The following TANC1 variants were observed in gnomAD, a reference collection of about 807,000 sequenced individuals.
TANC1 encodes protein TANC1.
A neutral mutation model predicts 149.7 loss-of-function variants in TANC1; 77 were observed. That is an observed-to-expected ratio of 0.51 (90% CI 0.43 to 0.62). The LOEUF (loss-of-function observed/expected upper bound fraction) is 0.62. Among genes scored for constraint, TANC1 ranks in the 20% least tolerant of loss-of-function variants. The pLI is 0.00. For missense variants in TANC1, 1,985 were observed against 2,321.8 expected (o/e 0.85, Z 2.98); for synonymous variants, 854 against 925.0 (o/e 0.92, Z 1.39).
At chr2:159,190,552 T>TTTA (rs2057365082) in intron 16 of TANC1, among the ~76,000 whole-genome samples, 1 of 152,126 alleles carries the variant, frequency 6.6e-6, no homozygotes, top group South Asian at 2.1e-4. Context: ...TTTATTTTTA[T>TTTA]TTATTATTAT....
chr2:159,191,175 C>T (rs1378564787), intron 16 of TANC1, among the ~76,000 whole-genome samples: 1 of 152,168 alleles, frequency 6.6e-6, no homozygotes, highest in African/African-American at 2.4e-5. Flanking sequence ...TGGCTGGCTC[C>T]TTGTCACTTG....
rs961226655 is a variant in TANC1 at position 159,168,199 on chromosome 2, A to G, written c.947-1051A>G. On this transcript the variant is annotated intron_variant, in intron 8 of 26. Coordinates refer to ENST00000263635, the MANE Select transcript of TANC1 (RefSeq NM_033394.3). ...GGGTTTTTAAAAGGCAAAAACGTGT[A>G]CTATGTACTTGCTTCTAAGATTTCT... Among the ~76,000 whole-genome samples the G allele has an allele frequency of 3.3e-5, 5 of 152,260 alleles. No homozygotes were observed. In the South Asian group the frequency reaches 8.3e-4, roughly 25 times the overall value.
intron 3 of TANC1, among the ~76,000 whole-genome samples, chr2:159,070,308 A>C (rs2043035225): frequency 6.6e-6 from 1 of 151,174 alleles, no homozygotes; most frequent in Non-Finnish European, 1.5e-5. Context: ...CAAAATTGGG[A>C]GGAAGGTTCA....
intron 5 of TANC1, among the ~76,000 whole-genome samples, chr2:159,136,932 A>G (rs936950226): frequency 2.0e-5 from 3 of 152,226 alleles, no homozygotes; most frequent in Non-Finnish European, 4.4e-5. Context: ...ATTTTAAAAA[A>G]TCAATTCAAG....
chr2:159,023,639 G>A (rs1275861458), intron 2 of TANC1, among the ~76,000 whole-genome samples: 1 of 152,048 alleles, frequency 6.6e-6, no homozygotes, highest in African/African-American at 2.4e-5. Context: ...ATGGCCCCTG[G>A]CCACCCATGG....
Position 159,001,398 on chromosome 2 carries a change from C to T in TANC1, c.-16+209C>T, listed in dbSNP as rs2036607557. 2.0e-5 allele frequency among the ~76,000 whole-genome samples: 3 copies of T among 152,256 alleles called. No individual in the cohort carries two copies. The highest frequency in any genetic ancestry group is 2.0e-4 in the Admixed American group (3 of 15,288). ...TAGGGGAGTTAGTGTTTAATGAGTA[C>T]AGAGTTTCAGTTGGGGAAGACAAAA... On this transcript the variant is annotated intron_variant, in intron 2 of 26. Coordinates refer to ENST00000263635, the MANE Select transcript of TANC1 (RefSeq NM_033394.3). The surrounding 1 kb of genome is among the most constrained non-coding windows in gnomAD (Gnocchi z 4.3).
intron 3 of TANC1, among the ~76,000 whole-genome samples, chr2:159,074,784 C>T (rs1574483018): frequency 6.6e-6 from 1 of 152,006 alleles, no homozygotes; most frequent in East Asian, 1.9e-4. Context: ...AACTTATTTC[C>T]CCTCGCCATG....
intron 2 of TANC1, among the ~76,000 whole-genome samples, chr2:159,065,091 A>G (rs1257523399): frequency 6.6e-6 from 1 of 152,204 alleles, no homozygotes; most frequent in Non-Finnish European, 1.5e-5. Context: ...GAGAGCTTAA[A>G]GGAGACTGGC....
chr2:159,219,195 G>A (rs767687010), intron 20 of TANC1, 43 bp from the exon 21 acceptor site: 1 of 1,612,374 alleles, frequency 6.2e-7, no homozygotes, highest in South Asian at 1.1e-5. Context: ...AGGTGTGGTG[G>A]AAAATGCAGC....
At chr2:159,200,682 C>T (rs1038664260) in intron 19 of TANC1, among the ~76,000 whole-genome samples, 4 of 152,154 alleles carry the variant, frequency 2.6e-5, no homozygotes, top group Non-Finnish European at 5.9e-5. Context: ...TCCCACCAGT[C>T]TTTATCTAGA....
At chr2:159,096,218 C>T (rs112208854) in intron 3 of TANC1, among the ~76,000 whole-genome samples, 35 of 151,032 alleles carry the variant, frequency 2.3e-4, no homozygotes, top group African/African-American at 5.4e-4. Flanking sequence ...TACATACTAA[C>T]GAGCGGGGAA....
intron 4 of TANC1, among the ~76,000 whole-genome samples, chr2:159,127,706 C>G (rs1460125681): frequency 1.3e-5 from 2 of 152,098 alleles, no homozygotes; most frequent in Non-Finnish European, 2.9e-5. Context: ...TACCGGGGCC[C>G]GTCAGGGCAC....
chr2:159,059,146 C>G (rs1396532458), intron 2 of TANC1, among the ~76,000 whole-genome samples: 4 of 152,134 alleles, frequency 2.6e-5, no homozygotes, highest in African/African-American at 9.7e-5. Context: ...GAATGAATGA[C>G]TGGATCTATG....
intron 4 of TANC1, among the ~76,000 whole-genome samples, chr2:159,122,681 C>A (rs1338367506): frequency 6.6e-6 from 1 of 151,954 alleles, no homozygotes; most frequent in Non-Finnish European, 1.5e-5. Flanking sequence ...TGTGTATAAC[C>A]TTTTGAGTCT....
chr2:159,068,775 T>G (rs1357013573), intron 3 of TANC1, among the ~76,000 whole-genome samples: 1 of 152,236 alleles, frequency 6.6e-6, no homozygotes. Context: ...ACAGACTCTG[T>G]TACCCAGGCT....
chr2:159,163,002 A>G (rs1161576705), intron 7 of TANC1, among the ~76,000 whole-genome samples: 2 of 152,026 alleles, frequency 1.3e-5, no homozygotes, highest in Non-Finnish European at 2.9e-5. Context: ...ACATAATTTT[A>G]CTCTTAACTC....
chr2:158,994,070 T>C (rs1193932986), intron 1 of TANC1, among the ~76,000 whole-genome samples: 1 of 152,214 alleles, frequency 6.6e-6, no homozygotes, highest in Non-Finnish European at 1.5e-5. Flanking sequence ...TGATTTTCAC[T>C]TTCCAGGGGG....
intron 16 of TANC1, among the ~76,000 whole-genome samples, chr2:159,188,536 G>A (rs968640005): frequency 2.0e-5 from 3 of 152,242 alleles, no homozygotes; most frequent in Non-Finnish European, 4.4e-5. Flanking sequence ...GCCTCAGGAG[G>A]ATTTAGGTTG....
intron 2 of TANC1, among the ~76,000 whole-genome samples, chr2:159,005,456 T>G (rs1482789961): frequency 6.6e-6 from 1 of 152,110 alleles, no homozygotes; most frequent in Non-Finnish European, 1.5e-5. Context: ...CTGGACATGG[T>G]GGCTTGCGCC....
Sources: gnomAD v4.1 joint callset for allele counts (sites outside exome capture counted in the v4.1 genomes callset) on GRCh38, gnomAD v4.1.1 for gene constraint, Gnocchi (gnomAD v3.1) non-coding constraint, MANE v1.5 for transcripts, NCBI Gene and HGNC (gene_info 2026-07-23, HGNC 2026-07-21) for gene names.